C12orf56: variants seen among roughly 807,000 people sequenced by gnomAD.
The protein encoded by C12orf56 is uncharacterized protein C12orf56.
C12orf56 carries 71 observed loss-of-function variants against 69.9 expected under a neutral mutation model. That is an observed-to-expected ratio of 1.02 (90% CI 0.84 to 1.24). The LOEUF (loss-of-function observed/expected upper bound fraction) is 1.24. Ranked by LOEUF, C12orf56 falls within the 50% of genes most tolerant of loss-of-function variation. C12orf56 has a pLI of 0.00. For synonymous variants in C12orf56, 276 were observed against 274.1 expected, an observed-to-expected ratio of 1.01 and a Z score of -0.07; for missense variants, 732 against 738.5, an observed-to-expected ratio of 0.99 and a Z score of 0.10.
chr12:64,318,944 T>C lies in C12orf56; in HGVS notation c.525A>G (p.Ser175=), dbSNP rs1292713931. ...TGAGGCCTGGACGAGGACAGAGAGTTGAGTCCTTGGATGGTGTACTGCTCT... is the reference window on the plus strand; with the variant it reads ...TGAGGCCTGGACGAGGACAGAGAGTCGAGTCCTTGGATGGTGTACTGCTCT... ...QQESSTPSKD[S]TLCPRPGLKK... Residue 175 remains serine, a synonymous_variant, in exon 4 of 13, where the codon TCA becomes TCG. Coordinates refer to ENST00000543942, the MANE Select transcript of C12orf56 (RefSeq NM_001170633.2). 9.1e-6 allele frequency: 14 copies of C among 1,532,870 alleles called. No individual in the cohort carries two copies. The African/African-American group carries it at 1.1e-4, about 12-fold the overall frequency. 95.0% of individuals were successfully genotyped at this position (1,532,870 alleles called of 1,614,324 possible). A position where few individuals can be genotyped will look rare whatever the true frequency, so the allele number is the denominator to read the frequency against.
chr12:64,318,190 A>T (rs1050322659), intron 4 of C12orf56, among the ~76,000 whole-genome samples: 7 of 151,910 alleles, frequency 4.6e-5, no homozygotes, highest in African/African-American at 1.7e-4. Context: ...CCTCCCAAAT[A>T]GCTGGGATTA....
At chr12:64,301,688 C>T (rs900892711) in intron 6 of C12orf56, among the ~76,000 whole-genome samples, 4 of 152,124 alleles carry the variant, frequency 2.6e-5, no homozygotes, top group Admixed American at 1.3e-4. Flanking sequence ...ATTGGTCTGG[C>T]GATAATTTCC....
intron 4 of C12orf56, among the ~76,000 whole-genome samples, chr12:64,317,589 G>A (rs1380846081): frequency 5.9e-5 from 9 of 151,914 alleles, no homozygotes; most frequent in African/African-American, 1.9e-4. Flanking sequence ...GCAAAACCCC[G>A]TCTCTACCAA....
chr12:64,351,972 C>T (rs1012430199), intron 2 of C12orf56, among the ~76,000 whole-genome samples: 5 of 152,070 alleles, frequency 3.3e-5, no homozygotes, highest in African/African-American at 1.2e-4. Flanking sequence ...CGGATACATC[C>T]TTCAAACTGG....
chr12:64,342,536 G>T (rs2039087963), intron 2 of C12orf56, among the ~76,000 whole-genome samples: 1 of 152,308 alleles, frequency 6.6e-6, no homozygotes, highest in African/African-American at 2.4e-5. Flanking sequence ...GAAACCATGG[G>T]CATTTGAGCC....
At chr12:64,389,612 T>C (rs2039840822) in intron 1 of C12orf56, among the ~76,000 whole-genome samples, 1 of 152,148 alleles carries the variant, frequency 6.6e-6, no homozygotes, top group Non-Finnish European at 1.5e-5. Flanking sequence ...TTCTTGTGCC[T>C]CAGCCTCCCA....
At chr12:64,338,368 G>T in intron 2 of C12orf56, 1 of 658,454 alleles carries the variant, frequency 1.5e-6, no homozygotes, top group South Asian at 1.4e-5. Flanking sequence ...GATATATAAT[G>T]GGGACCTCCT....
chr12:64,312,013 T>G (rs2038623573), intron 5 of C12orf56, among the ~76,000 whole-genome samples: 1 of 152,090 alleles, frequency 6.6e-6, no homozygotes, highest in African/African-American at 2.4e-5. Flanking sequence ...ATAAGGCATG[T>G]GATGACTGGC....
At chr12:64,358,729 G>T (rs1475094720) in intron 1 of C12orf56, among the ~76,000 whole-genome samples, 1 of 151,872 alleles carries the variant, frequency 6.6e-6, no homozygotes, top group Non-Finnish European at 1.5e-5. Flanking sequence ...AGGAGGGAGA[G>T]GTTGCAGTGA....
chr12:64,286,011 G>A lies in C12orf56; in HGVS notation c.1163C>T (p.Pro388Leu), dbSNP rs773391869. 2.6e-5 allele frequency: 42 copies of A among 1,611,256 alleles called. No homozygotes were observed. The highest frequency in any genetic ancestry group is 9.9e-5 in the South Asian group (9 of 90,810). Residue 388 changes from proline to leucine, a missense_variant, in exon 7 of 13, where the codon CCG becomes CTG. Coordinates refer to ENST00000543942, the MANE Select transcript of C12orf56 (RefSeq NM_001170633.2). ...FIVNKLHEYL[P>L]ESRDKNALQN... ...TAGTGCATTCTTATCCCTAGACTCC[G>A]GCAAGTACTCATGAAGTTTGTTTAC... is the stretch of plus-strand genomic sequence containing the variant.
At chr12:64,286,109 T>A (rs1380380936) in intron 6 of C12orf56, 49 bp from the exon 7 acceptor site, 2 of 1,158,916 alleles carry the variant, frequency 1.7e-6, no homozygotes, top group East Asian at 2.4e-5. Flanking sequence ...TATCTGTTGT[T>A]AAAATTCTCT....
At chr12:64,344,724 G>T (rs1201423796) in intron 2 of C12orf56, among the ~76,000 whole-genome samples, 13 of 152,110 alleles carry the variant, frequency 8.5e-5, no homozygotes, top group Non-Finnish European at 5.9e-5. Context: ...ATTTCACAAG[G>T]CATTGGTCAA....
intron 3 of C12orf56, among the ~76,000 whole-genome samples, chr12:64,327,267 G>A (rs768236883): frequency 4.6e-5 from 7 of 152,264 alleles, no homozygotes; most frequent in East Asian, 1.9e-4. Context: ...ACCAGGGAAG[G>A]CTAGAGAGAG....
At chr12:64,351,289 C>G (rs889546767) in intron 2 of C12orf56, among the ~76,000 whole-genome samples, 5 of 152,116 alleles carry the variant, frequency 3.3e-5, no homozygotes, top group African/African-American at 1.2e-4. Context: ...ACAGTTACAC[C>G]TTAGCAATCA....
At chr12:64,383,875 T>G (rs1463014671) in intron 1 of C12orf56, among the ~76,000 whole-genome samples, 1 of 152,204 alleles carries the variant, frequency 6.6e-6, no homozygotes, top group Non-Finnish European at 1.5e-5. Flanking sequence ...AGATATTGTG[T>G]GGAGACAAAA....
chr12:64,389,808 T>C (rs2039843716), intron 1 of C12orf56, among the ~76,000 whole-genome samples: 1 of 152,200 alleles, frequency 6.6e-6, no homozygotes, highest in Non-Finnish European at 1.5e-5. Context: ...TATGCATTTA[T>C]TCTTATTGAG....
intron 6 of C12orf56, among the ~76,000 whole-genome samples, chr12:64,299,163 C>G (rs971359939): frequency 1.2e-4 from 19 of 152,132 alleles, no homozygotes; most frequent in African/African-American, 4.3e-4. Context: ...TGGGAGTTCA[C>G]TCATGATTTG....
chr12:64,385,005 G>A (rs2039769850), intron 1 of C12orf56, among the ~76,000 whole-genome samples: 1 of 151,290 alleles, frequency 6.6e-6, no homozygotes, highest in South Asian at 2.1e-4. Flanking sequence ...AGTGAGCCCA[G>A]GTCTTGCCAC....
chr12:64,325,372 A>AAAGAAG (rs537880682), intron 3 of C12orf56, among the ~76,000 whole-genome samples: 7,491 of 141,394 alleles, frequency 0.053, 298 homozygotes, highest in Middle Eastern at 0.14. Context: ...AAAAAAAAAA[A>AAAGAAG]AAGAAGAAGA....
Sources: allele counts gnomAD v4.1 joint callset (sites outside exome capture counted in the v4.1 genomes callset), GRCh38; gene constraint gnomAD v4.1.1; transcripts MANE v1.5; gene names NCBI Gene and HGNC (gene_info 2026-07-23, HGNC 2026-07-21).